Variants in NALCN observed in about 807,000 individuals in gnomAD.
NALCN encodes the protein sodium leak channel NALCN.
A neutral mutation model predicts 225.3 loss-of-function variants in NALCN; 111 were observed. The ratio of observed to expected loss-of-function variants is 0.49; its 90% CI spans 0.42 to 0.58. The LOEUF (loss-of-function observed/expected upper bound fraction) is 0.58, where lower values mean the gene tolerates loss of function less well. NALCN is among the 20% of genes least tolerant of loss of function. The pLI is 0.00. For missense variants in NALCN, 1,378 were observed against 2,202.4 expected (o/e 0.63, Z 7.49); for synonymous variants, 764 against 769.0 (o/e 0.99, Z 0.11).
chr13:101,167,702 G>C (rs1594350275), intron 15 of NALCN, among the ~76,000 whole-genome samples: 1 of 89,000 alleles, frequency 1.1e-5, no homozygotes, highest in African/African-American at 3.2e-5. Flanking sequence ...GTTGGATTTG[G>C]TGGTGCATGC....
intron 10 of NALCN, among the ~76,000 whole-genome samples, chr13:101,283,380 A>G (rs2043232525): frequency 6.6e-6 from 1 of 152,166 alleles, no homozygotes; most frequent in African/African-American, 2.4e-5. Flanking sequence ...TGGTTTTTCC[A>G]GAAAGTTCAC....
chr13:101,377,141 A>T, intron 4 of NALCN, 85 bp from the exon 5 acceptor site: 2 of 1,524,742 alleles, frequency 1.3e-6, no homozygotes. Flanking sequence ...TTAGCAGCAT[A>T]AGTAGGTGCA....
At chr13:101,352,295 G>A (rs146754196) in intron 6 of NALCN, among the ~76,000 whole-genome samples, 27 of 152,224 alleles carry the variant, frequency 1.8e-4, no homozygotes, top group African/African-American at 5.3e-4. Context: ...CTATGACTAC[G>A]GGTGGCAGAT....
At position 101,213,115 on chromosome 13, in the gene NALCN, T is replaced by C. The variant is rs1430328894; in HGVS notation, c.1626+16278A>G. Among the ~76,000 whole-genome samples the C allele has an allele frequency of 3.3e-5, 5 of 151,988 alleles. No homozygotes were observed. The East Asian group carries it at 9.7e-4, about 29-fold the overall frequency. ...AAAACAGAGATATAGACCAATGGAA[T>C]AGAACAGAGCCCTCAGAAATAATAC... On this transcript the variant is annotated intron_variant, in intron 13 of 43. Coordinates refer to ENST00000251127, the MANE Select transcript of NALCN (RefSeq NM_052867.4).
At chr13:101,148,070 T>C (rs898441622) in intron 15 of NALCN, among the ~76,000 whole-genome samples, 1 of 152,174 alleles carries the variant, frequency 6.6e-6, no homozygotes, top group African/African-American at 2.4e-5. Flanking sequence ...CTCAAAGCAG[T>C]TGAACATCTG....
chr13:101,178,479 A>G (rs1473846640), intron 14 of NALCN, among the ~76,000 whole-genome samples: 1 of 152,176 alleles, frequency 6.6e-6, no homozygotes, highest in Non-Finnish European at 1.5e-5. Flanking sequence ...TTAAGAGCCA[A>G]ATAAGCTTCT....
At chr13:101,123,566 T>C (rs2036083809) in intron 18 of NALCN, among the ~76,000 whole-genome samples, 1 of 152,174 alleles carries the variant, frequency 6.6e-6, no homozygotes, top group Non-Finnish European at 1.5e-5. Flanking sequence ...TCTCATCACA[T>C]TTTGTGGTGA....
intron 11 of NALCN, among the ~76,000 whole-genome samples, chr13:101,241,178 C>A (rs1378816499): frequency 6.6e-6 from 1 of 152,302 alleles, no homozygotes; most frequent in South Asian, 2.1e-4. Flanking sequence ...GGTTTCTTAT[C>A]TCATCCATCA....
In NALCN at chr13:101,202,081, T is replaced by C. The variant is rs573844171; in HGVS notation, c.1627-10027A>G. 2.0e-5 allele frequency among the ~76,000 whole-genome samples: 3 copies of C among 152,312 alleles called. No homozygotes were observed. In the South Asian group the frequency reaches 6.2e-4, roughly 32 times the overall value. On this transcript the variant is annotated intron_variant, in intron 13 of 43. Transcript: ENST00000251127. ...AAACAGCAATAATTAGTAGAATAGT[T>C]TTATCTTCAGAAAAACCCACTGACC...
At chr13:101,253,877 C>T (rs1042378176) in intron 11 of NALCN, among the ~76,000 whole-genome samples, 1 of 75,244 alleles carries the variant, frequency 1.3e-5, no homozygotes, top group East Asian at 3.1e-4. Context: ...AAGAGTTTGC[C>T]AAACCCTGGC....
chr13:101,242,434 A>G lies in NALCN; in HGVS notation c.1267-4512T>C, dbSNP rs1293732996. Among the ~76,000 whole-genome samples the G allele has an allele frequency of 3.8e-5, 4 of 105,214 alleles. 2 individuals are homozygous for G. The highest frequency in any genetic ancestry group is 1.4e-4 in the African/African-American group (4 of 29,282). The allele number at this position is 105,214 out of a possible 152,430, so 69.0% of individuals were successfully genotyped here. On this transcript the variant is annotated intron_variant, in intron 11 of 43. Transcript: ENST00000251127. ...ACCAATGCTTTTTTCTTATTGCTTC[A>G]CAACTAAATTGCTGGCTCACTCATC...
chr13:101,245,730 T>A (rs532268178), intron 11 of NALCN, among the ~76,000 whole-genome samples: 1 of 152,190 alleles, frequency 6.6e-6, no homozygotes, highest in African/African-American at 2.4e-5. Flanking sequence ...TTCTTAGAAC[T>A]AAATTGAAAG....
chr13:101,345,247 T>C lies in NALCN; in HGVS notation c.799+19A>G, dbSNP rs1376289075. On this transcript the variant is annotated intron_variant, in intron 7 of 43. Coordinates refer to ENST00000251127, the MANE Select transcript of NALCN (RefSeq NM_052867.4). Reference sequence around the variant, plus strand: ...TCACAAAATAGAAACTTAAAACGTATTTTACCAGTAAGACAGACCTATCTC... The same window carrying C: ...TCACAAAATAGAAACTTAAAACGTACTTTACCAGTAAGACAGACCTATCTC... 1.2e-6 allele frequency: 2 copies of C among 1,604,586 alleles called. No homozygotes were observed. Among genetic ancestry groups the C allele is most frequent in the Non-Finnish European group, 1.7e-6 (2 of 1,174,766 alleles).
At chr13:101,244,975 G>T (rs1401779479) in intron 11 of NALCN, among the ~76,000 whole-genome samples, 1 of 151,882 alleles carries the variant, frequency 6.6e-6, no homozygotes, top group East Asian at 2.0e-4. Context: ...GGCAACTGGG[G>T]TCTCTGCAGA....
intron 9 of NALCN, among the ~76,000 whole-genome samples, chr13:101,290,392 C>T (rs984039064): frequency 6.6e-6 from 1 of 152,210 alleles, no homozygotes; most frequent in East Asian, 1.9e-4. Flanking sequence ...TAACTGAAAA[C>T]ATGTCCTTCT....
intron 15 of NALCN, among the ~76,000 whole-genome samples, chr13:101,151,723 A>C (rs1465129325): frequency 6.6e-6 from 1 of 152,158 alleles, no homozygotes; most frequent in East Asian, 1.9e-4. Flanking sequence ...GTAAACTATT[A>C]TTTTTCAAGG....
At chr13:101,236,750 T>A (rs899957226) in intron 12 of NALCN, among the ~76,000 whole-genome samples, 8 of 117,222 alleles carry the variant, frequency 6.8e-5, no homozygotes, top group Non-Finnish European at 1.2e-4. Context: ...AACATCACAC[T>A]CTGGGGCCTG....
intron 15 of NALCN, among the ~76,000 whole-genome samples, chr13:101,147,030 T>C (rs9518315): frequency 0.75 from 114,433 of 152,128 alleles, 43,401 homozygotes; most frequent in East Asian, 0.96. Flanking sequence ...GGGCTCTAGA[T>C]GTATCAGGAC....
intron 7 of NALCN, among the ~76,000 whole-genome samples, chr13:101,301,565 A>T (rs1363336633): frequency 6.6e-6 from 1 of 152,010 alleles, no homozygotes; most frequent in Non-Finnish European, 1.5e-5. Context: ...TACTAAAAAT[A>T]CAAAAATTAT....
Sources: gnomAD v4.1 joint callset for allele counts (sites outside exome capture counted in the v4.1 genomes callset) on GRCh38, gnomAD v4.1.1 for gene constraint, MANE v1.5 for transcripts, NCBI Gene and HGNC (gene_info 2026-07-23, HGNC 2026-07-21) for gene names.